Variants in COL4A2 observed in about 807,000 individuals in gnomAD.
COL4A2 encodes collagen alpha-2(IV) chain.
A neutral mutation model predicts 200.2 loss-of-function variants in COL4A2; 99 were observed. The ratio of observed to expected loss-of-function variants is 0.49; its 90% CI spans 0.42 to 0.58. The LOEUF (loss-of-function observed/expected upper bound fraction) is 0.58. COL4A2 is among the 20% of genes least tolerant of loss of function. The pLI is 0.00. For synonymous variants in COL4A2, 897 were observed against 900.6 expected (o/e 1.00, Z 0.07); for missense variants, 1,950 against 2,314.1 (o/e 0.84, Z 3.23).
intron 4 of COL4A2, among the ~76,000 whole-genome samples, chr13:110,423,089 T>C (rs1382412038): frequency 6.6e-6 from 1 of 152,042 alleles, no homozygotes; most frequent in African/African-American, 2.4e-5. Context: ...TCACAGCAAA[T>C]GGGGCTTGGC....
At chr13:110,364,111 C>T (rs1443827090) in intron 4 of COL4A2, among the ~76,000 whole-genome samples, 4 of 152,328 alleles carry the variant, frequency 2.6e-5, no homozygotes, top group East Asian at 1.9e-4. Context: ...TACTTTTAAA[C>T]GGTGTGCCCA....
chr13:110,456,421 T>G, intron 20 of COL4A2: 1 of 272,444 alleles, frequency 3.7e-6, no homozygotes, highest in Non-Finnish European at 7.2e-6. Context: ...TTTAGTTTTT[T>G]GGGGGGGAAC....
chr13:110,321,206 G>GTA (rs1392839509), intron 3 of COL4A2, among the ~76,000 whole-genome samples: 137 of 118,872 alleles, frequency 1.2e-3, no homozygotes, highest in Non-Finnish European at 2.1e-3. Flanking sequence ...ATGTGTCTGT[G>GTA]TGTATATATA....
chr13:110,447,700 T>C (rs1323646728), intron 18 of COL4A2, among the ~76,000 whole-genome samples: 2 of 152,158 alleles, frequency 1.3e-5, no homozygotes, highest in Non-Finnish European at 2.9e-5. Context: ...TCCCAATGCC[T>C]GGAACAGGAC....
Position 110,512,443 on chromosome 13 carries a change from C to T in COL4A2, c.*252C>T. 1.7e-6 allele frequency: 1 copy of T among 596,256 alleles called. No individual in the cohort carries two copies. 36.9% of individuals were successfully genotyped at this position (596,256 alleles called of 1,614,324 possible). On this transcript the variant is annotated 3_prime_UTR_variant, in exon 48 of 48. Transcript: ENST00000360467. Reference sequence around the variant, plus strand: ...TGGCCCCCATCAGCCCTGCTAGACGCACCGCCTGAAGGCACAGCTAACCAC... The same window carrying T: ...TGGCCCCCATCAGCCCTGCTAGACGTACCGCCTGAAGGCACAGCTAACCAC...
intron 29 of COL4A2, among the ~76,000 whole-genome samples, chr13:110,476,894 A>G (rs778995666): frequency 1.3e-5 from 2 of 152,246 alleles, no homozygotes; most frequent in Non-Finnish European, 2.9e-5. Context: ...CACACACACC[A>G]TATGAAGTTT....
intron 32 of COL4A2, among the ~76,000 whole-genome samples, chr13:110,483,617 C>T (rs967331600): frequency 6.6e-6 from 1 of 152,228 alleles, no homozygotes; most frequent in Non-Finnish European, 1.5e-5. Context: ...AACACTATGC[C>T]ACGTGTCGTC....
intron 4 of COL4A2, among the ~76,000 whole-genome samples, chr13:110,414,997 A>T (rs1438698689): frequency 6.6e-6 from 1 of 152,162 alleles, no homozygotes; most frequent in African/African-American, 2.4e-5. Flanking sequence ...TCTCAGATGC[A>T]TTGTGCTAAG....
In COL4A2 at chr13:110,478,113, G is replaced by T; in HGVS notation, c.2536G>T (p.Ala846Ser). The T allele has an allele frequency of 1.2e-6, 2 of 1,601,220 alleles. No individual in the cohort carries two copies. The highest frequency in any genetic ancestry group is 1.7e-4 in the Middle Eastern group (1 of 5,878). ...TCCAGGACTGCATGGATTCCCAGGA[G>T]CTCCTGGCCAAGAGGGGCCCTTGGG... ...GPPGLHGFPG[A>S]PGQEGPLGLP... The change falls in exon 30 of 48, where the codon GCT becomes TCT. Residue 846 changes from alanine (A) to serine (S), a missense_variant. By Grantham distance (99) the Ala-to-Ser change is moderately conservative. This residue lies in a region of COL4A2 where 1,385 missense variants were observed against 1,720.5 expected (regional missense o/e 0.80). Coordinates refer to ENST00000360467, the MANE Select transcript of COL4A2 (RefSeq NM_001846.4).
chr13:110,336,464 G>A (rs1049585235), intron 3 of COL4A2, among the ~76,000 whole-genome samples: 5 of 152,194 alleles, frequency 3.3e-5, no homozygotes, highest in African/African-American at 9.7e-5. Context: ...AATAGCGGCC[G>A]CTGGAGGAGG....
At chr13:110,335,335 G>C (rs558656282) in intron 3 of COL4A2, among the ~76,000 whole-genome samples, 2 of 152,114 alleles carry the variant, frequency 1.3e-5, no homozygotes, top group Admixed American at 1.3e-4. Flanking sequence ...GTTTTGAAAG[G>C]GACCCAGTGG....
chr13:110,409,370 G>A (rs141881098), intron 4 of COL4A2, among the ~76,000 whole-genome samples: 25 of 152,306 alleles, frequency 1.6e-4, no homozygotes, highest in East Asian at 5.8e-4. Context: ...CGTGATCAGC[G>A]CAGACCCACC....
Position 110,478,123 on chromosome 13 carries a change from A to C in COL4A2, c.2546A>C (p.Gln849Pro), listed in dbSNP as rs761477697. The stretch of plus-strand genomic sequence containing the variant: ...CATGGATTCCCAGGAGCTCCTGGCC[A>C]AGAGGGGCCCTTGGGGCTGCCAGGA... ...GLHGFPGAPG[Q>P]EGPLGLPGIP... The change falls in exon 30 of 48, where the codon CAA becomes CCA. Residue 849 changes from glutamine to proline, a missense_variant. By Grantham distance (76) the Gln-to-Pro change is moderately conservative (BLOSUM62 -1). Coordinates refer to ENST00000360467, the MANE Select transcript of COL4A2 (RefSeq NM_001846.4). The C allele has an allele frequency of 5.0e-6, 8 of 1,598,006 alleles. No homozygotes were observed. Among genetic ancestry groups the C allele is most frequent in the East Asian group, 4.5e-5 (2 of 44,136 alleles).
intron 4 of COL4A2, among the ~76,000 whole-genome samples, chr13:110,390,644 G>A (rs894770883): frequency 6.6e-6 from 1 of 152,316 alleles, no homozygotes; most frequent in Admixed American, 6.5e-5. Flanking sequence ...ATTCTTTAGG[G>A]ACTGGAAAGT....
chr13:110,363,640 C>T (rs1033747741), intron 4 of COL4A2, among the ~76,000 whole-genome samples: 3 of 152,158 alleles, frequency 2.0e-5, no homozygotes, highest in East Asian at 1.9e-4. Flanking sequence ...GAGAGGGTGC[C>T]CCACGCAGAT....
At chr13:110,472,521 T>C (rs1315384643) in intron 28 of COL4A2, among the ~76,000 whole-genome samples, 1 of 152,144 alleles carries the variant, frequency 6.6e-6, no homozygotes, top group African/African-American at 2.4e-5. Context: ...GACGGCCCTG[T>C]TCGTTCCTGC....
At chr13:110,461,896 C>T (rs923531729) in intron 22 of COL4A2, 3 of 619,748 alleles carry the variant, frequency 4.8e-6, no homozygotes, top group Non-Finnish European at 8.4e-6. Context: ...CCACCATCCG[C>T]AGTTCCAGTG....
rs267603756 is a variant in COL4A2, at chr13:110,489,495, G to A, written c.3258G>A (p.Ala1086=). ...GRAGLYGEIG[A]TGDFGDIGDT... The stretch of plus-strand genomic sequence containing the variant: ...CAGGCCTGTATGGCGAGATTGGCGC[G>A]ACTGGTGATTTCGGTGAGTGTTGCC... Residue 1086 remains alanine (A), a synonymous_variant, in exon 35 of 48, where the codon GCG becomes GCA. Coordinates refer to ENST00000360467, the MANE Select transcript of COL4A2 (RefSeq NM_001846.4). 1.0e-4 allele frequency: 169 copies of A among 1,614,062 alleles called. No individual in the cohort carries two copies. The highest frequency in any genetic ancestry group is 1.3e-4 in the Non-Finnish European group (154 of 1,180,038).
chr13:110,414,788 TTGCGTA>T (rs1316147348), intron 4 of COL4A2, among the ~76,000 whole-genome samples: 1 of 152,252 alleles, frequency 6.6e-6, no homozygotes, highest in African/African-American at 2.4e-5. Context: ...AGGCTTGTGT[TTGCGTA>T]TTAAGCAAGA....
Sources: allele counts gnomAD v4.1 joint callset (sites outside exome capture counted in the v4.1 genomes callset), GRCh38; gene constraint gnomAD v4.1.1; regional missense constraint gnomAD v4.1.1; transcripts MANE v1.5; gene names NCBI Gene and HGNC (gene_info 2026-07-23, HGNC 2026-07-21).